Variants in WWOX observed in about 807,000 individuals in gnomAD.
The protein encoded by WWOX is WW domain containing oxidoreductase, also known as WW domain-containing oxidoreductase.
In WWOX, 69 loss-of-function variants were observed where a neutral mutation model predicts 46.2. That is an observed-to-expected ratio of 1.49 (90% CI 1.23 to 1.82). WWOX has a LOEUF of 1.82. WWOX is among the 40% of genes most tolerant of loss of function. The pLI, the probability that WWOX is intolerant of heterozygous loss-of-function variation, is 0.00. For missense variants in WWOX, 919 were observed against 542.6 expected (o/e 1.69, Z -6.89); for synonymous variants, 359 against 202.6 (o/e 1.77, Z -6.56).
At chr16:78,528,181 T>TTTTTTTTTTTTTTTTC (rs2043528137) in intron 8 of WWOX, among the ~76,000 whole-genome samples, 1 of 128,946 alleles carries the variant, frequency 7.8e-6, no homozygotes, top group African/African-American at 3.1e-5. Flanking sequence ...TTTTTTTTTT[T>TTTTTTTTTTTTTTTTC]TTTTTTGCAT....
chr16:78,321,359 CGT>C (rs1567499309), intron 5 of WWOX, among the ~76,000 whole-genome samples: 2 of 38,042 alleles, frequency 5.3e-5, no homozygotes, highest in Non-Finnish European at 8.6e-5. Flanking sequence ...CGTATATATG[CGT>C]ATATATATAC....
chr16:78,554,827 C>G (rs71396196), intron 8 of WWOX, among the ~76,000 whole-genome samples: 4 of 151,930 alleles, frequency 2.6e-5, no homozygotes, highest in African/African-American at 9.7e-5. Context: ...GCCCCTGACT[C>G]TGAATGGTGG....
chr16:78,476,917 C>T (rs1340313762), intron 8 of WWOX, among the ~76,000 whole-genome samples: 3 of 152,104 alleles, frequency 2.0e-5, no homozygotes, highest in Non-Finnish European at 4.4e-5. Context: ...TCTCCCCCTT[C>T]TCCTTTCCGT....
At chr16:78,783,920 T>C (rs1230569135) in intron 8 of WWOX, among the ~76,000 whole-genome samples, 1 of 150,296 alleles carries the variant, frequency 6.7e-6, no homozygotes, top group African/African-American at 2.4e-5. Flanking sequence ...GATGATGATG[T>C]CGATAATGAT....
chr16:79,169,965 C>T (rs1225820871), intron 8 of WWOX, among the ~76,000 whole-genome samples: 1 of 152,130 alleles, frequency 6.6e-6, no homozygotes, highest in Non-Finnish European at 1.5e-5. Flanking sequence ...GCTCTGTTGA[C>T]CAGGCTTGGG....
intron 8 of WWOX, among the ~76,000 whole-genome samples, chr16:78,953,141 C>G (rs2046096725): frequency 6.6e-6 from 1 of 151,992 alleles, no homozygotes; most frequent in African/African-American, 2.4e-5. Context: ...AATCTGACCT[C>G]CTAAGTTAGA....
At chr16:78,640,459 G>A (rs757842196) in intron 8 of WWOX, among the ~76,000 whole-genome samples, 11 of 151,994 alleles carry the variant, frequency 7.2e-5, no homozygotes, top group Non-Finnish European at 1.2e-4. Flanking sequence ...CACCTCCCAG[G>A]CTCCTGCCAT....
intron 8 of WWOX, among the ~76,000 whole-genome samples, chr16:78,674,735 C>T (rs1187068233): frequency 6.6e-6 from 1 of 152,104 alleles, no homozygotes; most frequent in East Asian, 1.9e-4. Flanking sequence ...GAGAATCTTT[C>T]ACTATGACTG....
At position 78,822,265 on chromosome 16, in the gene WWOX, G is replaced by C. The variant is rs568055532; in HGVS notation, c.1057-389343G>C. Among the ~76,000 whole-genome samples the C allele has an allele frequency of 4.5e-4, 68 of 152,202 alleles. 1 individual carries two copies. In the South Asian group the frequency reaches 0.014, roughly 31 times the overall value. ...TCACAGCACTTTAGGAGGCCAAGGT[G>C]GGTGGGTCATCTGAGGTCAGGAGTT... On this transcript the variant is annotated intron_variant, in intron 8 of 8. Coordinates refer to ENST00000566780, the MANE Select transcript of WWOX (RefSeq NM_016373.4).
intron 8 of WWOX, among the ~76,000 whole-genome samples, chr16:78,565,832 T>A (rs945543440): frequency 1.3e-5 from 2 of 152,158 alleles, no homozygotes; most frequent in African/African-American, 4.8e-5. Context: ...GGAGTCTTCC[T>A]TATGAAGCTG....
intron 8 of WWOX, among the ~76,000 whole-genome samples, chr16:79,019,352 T>G (rs1041751795): frequency 6.6e-6 from 1 of 152,048 alleles, no homozygotes; most frequent in Admixed American, 6.6e-5. Flanking sequence ...TTAGGCTGTA[T>G]GGTCTAGCCT....
intron 8 of WWOX, among the ~76,000 whole-genome samples, chr16:78,495,558 G>C (rs932703628): frequency 1.3e-5 from 2 of 150,594 alleles, no homozygotes; most frequent in African/African-American, 4.9e-5. Flanking sequence ...ACCTAGGCTG[G>C]AGTGCAGTGG....
chr16:78,372,109 G>A (rs1452705457), intron 5 of WWOX, among the ~76,000 whole-genome samples: 1 of 152,188 alleles, frequency 6.6e-6, no homozygotes, highest in East Asian at 1.9e-4. Flanking sequence ...CTAGTTGAGT[G>A]CCCTGCAAAC....
chr16:78,212,879 GATCTCAGTGGCTTAGC>G (rs2036601186), intron 5 of WWOX, among the ~76,000 whole-genome samples: 4 of 152,134 alleles, frequency 2.6e-5, no homozygotes, highest in Admixed American at 2.6e-4. Flanking sequence ...AACACGCCCG[GATCTCAGTGGCTTAGC>G]ATGGTGAATT....
chr16:78,898,391 CAA>C (rs2044750432), intron 8 of WWOX: 1 of 152,014 alleles, frequency 6.6e-6, no homozygotes, highest in African/African-American at 2.4e-5. Flanking sequence ...ACTATTTGTT[CAA>C]AGACTAATCC....
chr16:78,762,793 C>G (rs2049826093), intron 8 of WWOX, among the ~76,000 whole-genome samples: 1 of 152,142 alleles, frequency 6.6e-6, no homozygotes, highest in South Asian at 2.1e-4. Context: ...CCTCTCTGGC[C>G]TCAGTATCTG....
chr16:78,524,947 C>G (rs2151503715), intron 8 of WWOX, among the ~76,000 whole-genome samples: 1 of 144,766 alleles, frequency 6.9e-6, no homozygotes, highest in East Asian at 2.1e-4. Context: ...CTCACTGCAG[C>G]TTCCACCTCC....
chr16:78,756,140 G>C (rs2142470749), intron 8 of WWOX, among the ~76,000 whole-genome samples: 1 of 152,246 alleles, frequency 6.6e-6, no homozygotes, highest in South Asian at 2.1e-4. Flanking sequence ...AACACGAACG[G>C]GGATCCTAGA....
At chr16:78,356,447 G>A (rs1347243573) in intron 5 of WWOX, among the ~76,000 whole-genome samples, 1 of 152,050 alleles carries the variant, frequency 6.6e-6, no homozygotes. Flanking sequence ...TCAGTCCCCA[G>A]GCAGGAAGGA....
Sources: allele counts gnomAD v4.1 joint callset (sites outside exome capture counted in the v4.1 genomes callset), GRCh38; gene constraint gnomAD v4.1.1; transcripts MANE v1.5; gene names NCBI Gene and HGNC (gene_info 2026-07-23, HGNC 2026-07-21).